Variants in SVEP1 observed in about 807,000 individuals in gnomAD.
SVEP1 encodes the protein sushi, von Willebrand factor type A, EGF and pentraxin domain-containing protein 1.
In SVEP1, 164 loss-of-function variants were observed where a neutral mutation model predicts 367.3. The observed-to-expected ratio is 0.45, with a 90% CI of 0.39 to 0.51. The LOEUF (loss-of-function observed/expected upper bound fraction) is 0.51, where lower values mean the gene tolerates loss of function less well. SVEP1 is among the 20% of genes least tolerant of loss of function. The pLI, the probability that SVEP1 is intolerant of heterozygous loss-of-function variation, is 0.00. For synonymous variants in SVEP1, 1,666 were observed against 1,611.6 expected (o/e 1.03, Z -0.81); for missense variants, 4,117 against 4,425.3 (o/e 0.93, Z 1.98).
intron 46 of SVEP1, among the ~76,000 whole-genome samples, chr9:110,373,841 GT>G (rs1375289716): frequency 2.0e-5 from 3 of 152,158 alleles, no homozygotes; most frequent in Admixed American, 2.0e-4. Context: ...AGATGTCAAA[GT>G]ATAGTGGGCC....
intron 3 of SVEP1, among the ~76,000 whole-genome samples, chr9:110,532,695 G>C (rs964347300): frequency 1.3e-5 from 2 of 152,014 alleles, no homozygotes; most frequent in African/African-American, 2.4e-5. Context: ...TATGGAACAG[G>C]GTTTCTTAAC....
Position 110,579,686 on chromosome 9 carries a change from C to T in SVEP1, c.-143G>A. 9.9e-7 allele frequency: 1 copy of T among 1,009,794 alleles called. No individual in the cohort carries two copies. The highest frequency in any genetic ancestry group is 1.4e-6 in the Non-Finnish European group (1 of 735,418). The allele number at this position is 1,009,794 out of a possible 1,614,324, so 62.6% of individuals were successfully genotyped here. On this transcript the variant is annotated 5_prime_UTR_variant, in exon 1 of 48. Transcript: ENST00000374469. The surrounding 1 kb of genome is among the most constrained non-coding windows in gnomAD (Gnocchi z 5.3). ...AGAGCCTCAGCGCCCTTTCATCTGA[C>T]ACTGGGGACAGACACAATCCAGACT...
chr9:110,433,596 T>G (rs1828387779), intron 30 of SVEP1, among the ~76,000 whole-genome samples: 1 of 151,592 alleles, frequency 6.6e-6, no homozygotes, highest in African/African-American at 2.4e-5. Context: ...TTCAGCCTAC[T>G]GAGTAGCTGG....
intron 3 of SVEP1, among the ~76,000 whole-genome samples, chr9:110,519,512 C>T (rs1313862873): frequency 1.3e-5 from 2 of 152,138 alleles, no homozygotes; most frequent in Non-Finnish European, 2.9e-5. Flanking sequence ...TCGCGGAACC[C>T]ACAGAGTACA....
intron 5 of SVEP1, among the ~76,000 whole-genome samples, chr9:110,506,784 G>A (rs756377355): frequency 9.9e-5 from 15 of 152,220 alleles, no homozygotes; most frequent in Admixed American, 4.6e-4. Context: ...AGGAAAAGTC[G>A]TGAAGAAGGG....
chr9:110,520,903 G>T (rs1458569466), intron 3 of SVEP1, among the ~76,000 whole-genome samples: 3 of 152,148 alleles, frequency 2.0e-5, no homozygotes, highest in Non-Finnish European at 4.4e-5. Context: ...AACTTCAAGG[G>T]TGCCTGTTTA....
At position 110,444,095 on chromosome 9, in the gene SVEP1, G is replaced by A. The variant is rs187177112; in HGVS notation, c.4464-375C>T. Reference sequence around the variant, plus strand: ...ATGTCAAACTGACATCCTTCTTCCAGAATGTAAGTTTCTTAAGACCAAGAA... The same window carrying A: ...ATGTCAAACTGACATCCTTCTTCCAAAATGTAAGTTTCTTAAGACCAAGAA... On this transcript the variant is annotated intron_variant, in intron 26 of 47. Coordinates refer to ENST00000374469, the MANE Select transcript of SVEP1 (RefSeq NM_153366.4). 4.8e-3 allele frequency among the ~76,000 whole-genome samples: 726 copies of A among 152,288 alleles called. 5 individuals are homozygous for A. The highest frequency in any genetic ancestry group is 7.8e-3 in the Non-Finnish European group (531 of 68,024).
At position 110,407,835 on chromosome 9, in the gene SVEP1, C is replaced by A. The variant is rs1827979396; in HGVS notation, c.7765G>T (p.Ala2589Ser). Residue 2589 changes from alanine (A) to serine (S), a missense_variant, in exon 38 of 48, where the codon GCT (alanine) becomes TCT (serine). Transcript: ENST00000374469. ...IYSCFPGFQV[A>S]GHAMQTCEES... Reference sequence around the variant, plus strand: ...TCACAGGTCTGCATGGCATGACCAGCCACCTGAAACCCAGGGAAGCAACTG... The same window carrying A: ...TCACAGGTCTGCATGGCATGACCAGACACCTGAAACCCAGGGAAGCAACTG... The A allele has an allele frequency of 6.2e-7, 1 of 1,614,002 alleles. No homozygotes were observed. The highest frequency in any genetic ancestry group is 8.5e-7 in the Non-Finnish European group (1 of 1,179,896).
chr9:110,503,894 CA>C (rs1243968319), intron 5 of SVEP1, among the ~76,000 whole-genome samples: 2 of 152,142 alleles, frequency 1.3e-5, no homozygotes, highest in Non-Finnish European at 2.9e-5. Flanking sequence ...TAGCCATTCT[CA>C]CCAGTTTTAT....
intron 1 of SVEP1, 119 bp from the exon 2 acceptor site, chr9:110,550,223 G>C (rs1415322411): frequency 1.5e-6 from 2 of 1,333,910 alleles, no homozygotes; most frequent in Non-Finnish European, 2.1e-6. Context: ...ATGAGGGATG[G>C]AAGCCCTAGT....
chr9:110,491,959 T>G lies in SVEP1; in HGVS notation c.1801-2180A>C, dbSNP rs1354930067. Reference sequence around the variant, plus strand: ...CTTAAACAAATCCCAGATAACTTAATGTACAACAAAAAATTCCCACAGCAC... The same window carrying G: ...CTTAAACAAATCCCAGATAACTTAAGGTACAACAAAAAATTCCCACAGCAC... On this transcript the variant is annotated intron_variant, in intron 8 of 47. Coordinates refer to ENST00000374469, the MANE Select transcript of SVEP1 (RefSeq NM_153366.4). Among the ~76,000 whole-genome samples, 12 of 152,004 alleles carry G rather than the reference T, an allele frequency of 7.9e-5. No homozygotes were observed. The South Asian group carries it at 2.5e-3, about 32-fold the overall frequency.
At chr9:110,412,869 A>G (rs1828064302) in intron 36 of SVEP1, among the ~76,000 whole-genome samples, 1 of 152,132 alleles carries the variant, frequency 6.6e-6, no homozygotes, top group Non-Finnish European at 1.5e-5. Flanking sequence ...TAGAATGGCA[A>G]TCATTAAAAA....
chr9:110,372,036 C>T (rs543562757), intron 46 of SVEP1, among the ~76,000 whole-genome samples: 8 of 152,298 alleles, frequency 5.3e-5, no homozygotes, highest in East Asian at 1.9e-4. Flanking sequence ...GTTTCCTGAT[C>T]GGATGCTGCC....
chr9:110,451,142 C>T lies in SVEP1; in HGVS notation c.3901+147G>A, dbSNP rs1179940230. ...ACCCCAAACCCCTCAGTGTGTATTT[C>T]CTCAGAAAATGAGGACTTTCTCTTA... On this transcript the variant is annotated intron_variant, in intron 23 of 47. Coordinates refer to ENST00000374469, the MANE Select transcript of SVEP1 (RefSeq NM_153366.4). 1.1e-5 allele frequency: 7 copies of T among 641,214 alleles called. No individual in the cohort carries two copies. The East Asian group carries it at 1.7e-4, about 15-fold the overall frequency. 39.7% of individuals were successfully genotyped at this position (641,214 alleles called of 1,614,324 possible).
intron 1 of SVEP1, among the ~76,000 whole-genome samples, chr9:110,566,537 C>T (rs1331830583): frequency 6.6e-6 from 1 of 152,016 alleles, no homozygotes; most frequent in African/African-American, 2.4e-5. Flanking sequence ...AGTAGATAAA[C>T]CAATTACAAT....
At chr9:110,552,787 C>T (rs547859413) in intron 1 of SVEP1, among the ~76,000 whole-genome samples, 152 of 152,274 alleles carry the variant, frequency 1.0e-3, no homozygotes, top group African/African-American at 3.4e-3. Flanking sequence ...CATCAGTCCA[C>T]GGCCTGGGTA....
chr9:110,570,092 A>G (rs1406307286), intron 1 of SVEP1, among the ~76,000 whole-genome samples: 1 of 152,172 alleles, frequency 6.6e-6, no homozygotes, highest in East Asian at 1.9e-4. Flanking sequence ...TCCACGGCTG[A>G]CCTCCAAACC....
At chr9:110,541,903 A>G (rs1301940802) in intron 3 of SVEP1, among the ~76,000 whole-genome samples, 1 of 147,504 alleles carries the variant, frequency 6.8e-6, no homozygotes, top group Non-Finnish European at 1.5e-5. Context: ...AGATATCTAT[A>G]TATATCTATA....
intron 37 of SVEP1, among the ~76,000 whole-genome samples, chr9:110,410,092 T>C (rs1277537596): frequency 6.8e-6 from 1 of 147,780 alleles, no homozygotes; most frequent in African/African-American, 2.6e-5. Flanking sequence ...TTATACTCTG[T>C]ACCCTCTTCC....
Sources: allele counts gnomAD v4.1 joint callset (sites outside exome capture counted in the v4.1 genomes callset), GRCh38; gene constraint gnomAD v4.1.1; non-coding constraint Gnocchi (gnomAD v3.1); transcripts MANE v1.5; gene names NCBI Gene and HGNC (gene_info 2026-07-23, HGNC 2026-07-21).